Variants in MYO1E observed in about 807,000 individuals in gnomAD.
MYO1E encodes the protein unconventional myosin-Ie.
MYO1E carries 68 observed loss-of-function variants against 151.1 expected under a neutral mutation model. The ratio of observed to expected loss-of-function variants is 0.45; its 90% CI spans 0.37 to 0.55. The LOEUF is 0.55. Among genes scored for constraint, MYO1E ranks in the 20% least tolerant of loss-of-function variants. The pLI is 0.00. For missense variants in MYO1E, 1,363 were observed against 1,389.3 expected, an observed-to-expected ratio of 0.98 and a Z score of 0.30; for synonymous variants, 601 against 501.7, an observed-to-expected ratio of 1.20 and a Z score of -2.64.
intron 25 of MYO1E, 85 bp from the exon 26 acceptor site, chr15:59,153,876 C>T: frequency 1.6e-6 from 2 of 1,288,640 alleles, no homozygotes; most frequent in Non-Finnish European, 2.2e-6. Flanking sequence ...CCATGTACTA[C>T]AAGGGCAGCT....
rs1461774134 is a variant in MYO1E at position 59,137,095 on chromosome 15, C to T, written c.*285G>A. On this transcript the variant is annotated 3_prime_UTR_variant, in exon 28 of 28. Transcript: ENST00000288235. The stretch of plus-strand genomic sequence containing the variant: ...GCCTACAAGGTCTGAGCAGACCTCA[C>T]TTGTCCTCTCACCAGGTTTAAATAC... 1 of 464,498 alleles carries T rather than the reference C, an allele frequency of 2.2e-6. No homozygotes were observed. The highest frequency in any genetic ancestry group is 4.0e-6 in the Non-Finnish European group (1 of 250,332). The allele number at this position is 464,498 out of a possible 1,614,324, so 28.8% of individuals were successfully genotyped here.
intron 1 of MYO1E, among the ~76,000 whole-genome samples, chr15:59,317,136 T>C (rs1251562710): frequency 6.6e-6 from 1 of 152,140 alleles, no homozygotes; most frequent in Admixed American, 6.5e-5. Context: ...ATCCATCTAC[T>C]CGATAAATAT....
chr15:59,208,173 TA>T, intron 14 of MYO1E: 1 of 1,238,150 alleles, frequency 8.1e-7, no homozygotes, highest in East Asian at 2.4e-5. Flanking sequence ...CTTGAATTCC[TA>T]AAAGATGGAA....
intron 1 of MYO1E, among the ~76,000 whole-genome samples, chr15:59,347,777 A>G (rs1344729182): frequency 2.0e-5 from 3 of 152,172 alleles, no homozygotes; most frequent in African/African-American, 7.2e-5. Context: ...CTAACCATGC[A>G]TTTGGAAAAA....
At chr15:59,370,447 T>C (rs909980146) in intron 1 of MYO1E, among the ~76,000 whole-genome samples, 1 of 152,226 alleles carries the variant, frequency 6.6e-6, no homozygotes, top group Admixed American at 6.5e-5. Context: ...CATCTCCTGT[T>C]TCAGGACAGC....
At chr15:59,337,515 C>T (rs551937859) in intron 1 of MYO1E, among the ~76,000 whole-genome samples, 2 of 152,182 alleles carry the variant, frequency 1.3e-5, no homozygotes, top group African/African-American at 4.8e-5. Context: ...CTTAAAAGAA[C>T]ATTCAGACTA....
chr15:59,347,211 T>C (rs2080799178), intron 1 of MYO1E, among the ~76,000 whole-genome samples: 1 of 152,156 alleles, frequency 6.6e-6, no homozygotes, highest in South Asian at 2.1e-4. Flanking sequence ...AAAGCAGCAC[T>C]AGATTCCCAT....
rs555763584 is a variant in MYO1E, at chr15:59,159,993, C to T, written c.2785+1080G>A. The stretch of plus-strand genomic sequence containing the variant: ...CCAAGTAGCTGGGACTACAGGCATA[C>T]GCCACAACACCTGGCTAGTTTTTTG... On this transcript the variant is annotated intron_variant, in intron 24 of 27. Coordinates refer to ENST00000288235, the MANE Select transcript of MYO1E (RefSeq NM_004998.4). This position sits in a 1 kb window ranked among gnomAD's most constrained non-coding sequence, Gnocchi z 4.4. Among the ~76,000 whole-genome samples, 9 of 152,246 alleles carry T rather than the reference C, an allele frequency of 5.9e-5. No individual in the cohort carries two copies. The highest frequency in any genetic ancestry group is 2.1e-4 in the South Asian group (1 of 4,822).
chr15:59,206,663 C>G (rs371292861), intron 14 of MYO1E: 87 of 459,092 alleles, frequency 1.9e-4, no homozygotes, highest in East Asian at 1.2e-3. Flanking sequence ...CGGTTAGCCT[C>G]TTAAGCATGT....
chr15:59,302,599 C>A (rs925645719), intron 1 of MYO1E, among the ~76,000 whole-genome samples: 20 of 152,168 alleles, frequency 1.3e-4, no homozygotes, highest in Admixed American at 1.2e-3. Flanking sequence ...TTAGACATAA[C>A]ACAACTGATT....
intron 1 of MYO1E, among the ~76,000 whole-genome samples, chr15:59,303,524 G>A (rs1272603629): frequency 6.6e-6 from 1 of 151,998 alleles, no homozygotes; most frequent in Non-Finnish European, 1.5e-5. Context: ...GTGAGACTCT[G>A]TCTAAAAATA....
chr15:59,360,911 G>A (rs1241912427), intron 1 of MYO1E, among the ~76,000 whole-genome samples: 1 of 152,108 alleles, frequency 6.6e-6, no homozygotes, highest in African/African-American at 2.4e-5. Context: ...CTGAGCCTTT[G>A]GGCAGTCCTC....
intron 2 of MYO1E, among the ~76,000 whole-genome samples, chr15:59,269,513 C>T (rs2080277015): frequency 6.6e-6 from 1 of 152,114 alleles, no homozygotes; most frequent in African/African-American, 2.4e-5. Flanking sequence ...AGTATTTTGA[C>T]CAAATAAAAT....
chr15:59,201,648 C>T (rs1436079681), intron 16 of MYO1E, among the ~76,000 whole-genome samples: 1 of 152,306 alleles, frequency 6.6e-6, no homozygotes, highest in African/African-American at 2.4e-5. Flanking sequence ...AGGTGATCCA[C>T]CCGCCTCAGC....
At chr15:59,195,839 A>C (rs758373695) in intron 16 of MYO1E, among the ~76,000 whole-genome samples, 16 of 152,212 alleles carry the variant, frequency 1.1e-4, no homozygotes, top group Non-Finnish European at 1.9e-4. Context: ...ACAACAACAA[A>C]AAACAAAAAT....
At position 59,202,246 on chromosome 15, in the gene MYO1E, TG is replaced by T; in HGVS notation, c.1698+79del. 2.4e-6 allele frequency: 3 copies of T among 1,258,308 alleles called. No homozygotes were observed. In the African/African-American group the frequency reaches 4.4e-5, roughly 19 times the overall value. The allele number at this position is 1,258,308 out of a possible 1,614,324, so 77.9% of individuals were successfully genotyped here. A position where few individuals can be genotyped will look rare whatever the true frequency, so the allele number is the denominator to read the frequency against. ...TCCTCACGTCTCACTGACCTCATCC[TG>T]GCCCAGGGGTGCAGTTCCTTACTCC... On this transcript the variant is annotated intron_variant, in intron 16 of 27. Transcript: ENST00000288235.
Position 59,208,856 on chromosome 15 carries a change from G to A in MYO1E, c.1363-8C>T, listed in dbSNP as rs1203943207. 1.2e-6 allele frequency: 2 copies of A among 1,613,934 alleles called. No individual in the cohort carries two copies. Among genetic ancestry groups the A allele is most frequent in the Non-Finnish European group, 8.5e-7 (1 of 1,180,052 alleles). On this transcript the variant is annotated splice_polypyrimidine_tract_variant and splice_region_variant and intron_variant, in intron 13 of 27. Transcript: ENST00000288235. ...CATGATGCCAGGAGGGTTCTGATGGGAGCAAGAAGGCAAGGCCCTAGTCAC... is the reference window on the plus strand; with the variant it reads ...CATGATGCCAGGAGGGTTCTGATGGAAGCAAGAAGGCAAGGCCCTAGTCAC...
chr15:59,348,036 A>G (rs559429236), intron 1 of MYO1E, among the ~76,000 whole-genome samples: 2,391 of 152,244 alleles, frequency 0.016, 59 homozygotes, highest in African/African-American at 0.053. Flanking sequence ...CCCTGGTGAA[A>G]AACAGATTTT....
intron 2 of MYO1E, chr15:59,266,863 T>G (rs62002719): frequency 0.15 from 23,259 of 150,674 alleles, 1,884 homozygotes; most frequent in Non-Finnish European, 0.18. Context: ...GAGTTTCACC[T>G]TGTTAGCCAG....
Sources: gnomAD v4.1 joint callset for allele counts (sites outside exome capture counted in the v4.1 genomes callset) on GRCh38, gnomAD v4.1.1 for gene constraint, Gnocchi (gnomAD v3.1) non-coding constraint, MANE v1.5 for transcripts, NCBI Gene and HGNC (gene_info 2026-07-23, HGNC 2026-07-21) for gene names.